The following SLC1A1 variants were observed in gnomAD, a reference collection of about 807,000 sequenced individuals.
SLC1A1 encodes excitatory amino acid transporter 3.
Under a neutral mutation model 53.3 loss-of-function variants are expected in SLC1A1, and 43 were observed. The observed-to-expected ratio is 0.81, with a 90% CI of 0.63 to 1.04. The LOEUF is 1.04. Among genes scored for constraint, SLC1A1 ranks in the 50% least tolerant of loss-of-function variants. The pLI is 0.00. For synonymous variants in SLC1A1, 307 were observed against 243.2 expected, an observed-to-expected ratio of 1.26 and a Z score of -2.44; for missense variants, 748 against 664.9, an observed-to-expected ratio of 1.12 and a Z score of -1.37.
intron 10 of SLC1A1, among the ~76,000 whole-genome samples, chr9:4,582,556 T>A (rs538660427): frequency 1.3e-5 from 2 of 152,326 alleles, no homozygotes; most frequent in East Asian, 3.9e-4. Flanking sequence ...TCAGGGCAAC[T>A]TAAATTCCTG....
intron 1 of SLC1A1, among the ~76,000 whole-genome samples, chr9:4,517,896 C>T (rs1378173856): frequency 6.6e-6 from 1 of 152,020 alleles, no homozygotes; most frequent in African/African-American, 2.4e-5. Context: ...TTGATGTCAA[C>T]TGAAAATTGT....
chr9:4,514,366 T>C (rs1473361485), intron 1 of SLC1A1, among the ~76,000 whole-genome samples: 1 of 152,156 alleles, frequency 6.6e-6, no homozygotes, highest in Non-Finnish European at 1.5e-5. Flanking sequence ...CCATTGAGGA[T>C]ATCTGACCTA....
At chr9:4,510,057 C>T (rs1408299669) in intron 1 of SLC1A1, among the ~76,000 whole-genome samples, 2 of 152,224 alleles carry the variant, frequency 1.3e-5, no homozygotes, top group East Asian at 3.8e-4. Flanking sequence ...TGGTTTCAAA[C>T]TCCTGACCTC....
intron 2 of SLC1A1, among the ~76,000 whole-genome samples, chr9:4,560,672 T>C (rs1487546923): frequency 2.6e-5 from 4 of 151,320 alleles, no homozygotes; most frequent in African/African-American, 4.9e-5. Flanking sequence ...AAAACTATCA[T>C]GAGTTACATG....
At position 4,564,472 on chromosome 9, in the gene SLC1A1, C is replaced by T; in HGVS notation, c.440+14C>T. On this transcript the variant is annotated intron_variant, in intron 4 of 11. Coordinates refer to ENST00000262352, the MANE Select transcript of SLC1A1 (RefSeq NM_004170.6). Reference sequence around the variant, plus strand: ...AGATCTCATCAGGTGAGTGTTTTGCCACAAGGTGGCTTCAAGGGCATGCGG... The same window carrying T: ...AGATCTCATCAGGTGAGTGTTTTGCTACAAGGTGGCTTCAAGGGCATGCGG... 1 of 1,540,426 alleles carries T rather than the reference C, an allele frequency of 6.5e-7. No homozygotes were observed. Among genetic ancestry groups the T allele is most frequent in the Non-Finnish European group, 9.0e-7 (1 of 1,115,436 alleles).
At chr9:4,498,691 C>T (rs991911894) in intron 1 of SLC1A1, among the ~76,000 whole-genome samples, 2 of 151,094 alleles carry the variant, frequency 1.3e-5, no homozygotes, top group Non-Finnish European at 2.9e-5. Context: ...TATATTTATT[C>T]CATAGCATGC....
chr9:4,530,938 C>T (rs1340236742), intron 1 of SLC1A1, among the ~76,000 whole-genome samples: 2 of 152,140 alleles, frequency 1.3e-5, no homozygotes, highest in Non-Finnish European at 2.9e-5. Context: ...CCTCTTTGGT[C>T]GCTAGGAAAA....
chr9:4,500,430 C>G (rs1586689722), intron 1 of SLC1A1, among the ~76,000 whole-genome samples: 1 of 152,288 alleles, frequency 6.6e-6, no homozygotes, highest in African/African-American at 2.4e-5. Context: ...GCCTCAGCCT[C>G]CCGGGTAGCT....
chr9:4,492,631 T>C (rs117335592), intron 1 of SLC1A1, among the ~76,000 whole-genome samples: 4,397 of 152,058 alleles, frequency 0.029, 91 homozygotes, highest in Middle Eastern at 0.054. Flanking sequence ...AAATGCCATC[T>C]CTACAAAAAA....
intron 6 of SLC1A1, among the ~76,000 whole-genome samples, chr9:4,570,565 T>A (rs978443105): frequency 6.6e-6 from 1 of 152,038 alleles, no homozygotes; most frequent in African/African-American, 2.4e-5. Flanking sequence ...GAGACGGGGT[T>A]TCACCATGTT....
intron 1 of SLC1A1, among the ~76,000 whole-genome samples, chr9:4,525,158 A>T (rs567880519): frequency 1.3e-5 from 2 of 152,312 alleles, no homozygotes; most frequent in East Asian, 3.9e-4. Flanking sequence ...TGGAACCACA[A>T]AATTTGGCCC....
At chr9:4,534,848 G>T (rs1436370354) in intron 1 of SLC1A1, among the ~76,000 whole-genome samples, 6 of 152,092 alleles carry the variant, frequency 3.9e-5, no homozygotes. Flanking sequence ...ACATCAAGAA[G>T]CTTATCCACC....
intron 8 of SLC1A1, among the ~76,000 whole-genome samples, chr9:4,574,916 T>G (rs562452067): frequency 6.6e-6 from 1 of 152,174 alleles, no homozygotes; most frequent in Non-Finnish European, 1.5e-5. Context: ...AGAGGCAGAT[T>G]TGGTCCCTAC....
chr9:4,580,777 C>T (rs1821024461), intron 10 of SLC1A1, among the ~76,000 whole-genome samples: 1 of 151,960 alleles, frequency 6.6e-6, no homozygotes, highest in East Asian at 1.9e-4. Flanking sequence ...TTGGTTGCTG[C>T]AGTAGCAGTA....
chr9:4,568,219 A>G (rs1230448126), intron 6 of SLC1A1, among the ~76,000 whole-genome samples: 2 of 152,034 alleles, frequency 1.3e-5, no homozygotes, highest in African/African-American at 4.8e-5. Flanking sequence ...CAGGAGTTCC[A>G]GACCAGTCTG....
chr9:4,568,604 C>T (rs551164457), intron 6 of SLC1A1, among the ~76,000 whole-genome samples: 3 of 151,516 alleles, frequency 2.0e-5, no homozygotes, highest in South Asian at 2.1e-4. Flanking sequence ...GCCTGTAGTC[C>T]CAGATACTTG....
chr9:4,490,710 T>A lies in SLC1A1; in HGVS notation c.31T>A (p.Trp11Arg). ...GAAACCGGCGAGGAAAGGATGCGAG[T>A]GGAAGCGCTTCCTGAAGAATAACTG... MGKPARKGCE[W>R]KRFLKNNWVL... Residue 11 changes from tryptophan to arginine, a missense_variant, in exon 1 of 12, where the codon TGG (tryptophan) becomes AGG (arginine). Physicochemically the swap from Trp to Arg is moderately radical, Grantham distance 101. Transcript: ENST00000262352. 1 of 1,612,678 alleles carries A rather than the reference T, an allele frequency of 6.2e-7. No individual in the cohort carries two copies. The highest frequency in any genetic ancestry group is 8.5e-7 in the Non-Finnish European group (1 of 1,179,076).
chr9:4,510,994 T>C (rs913495501), intron 1 of SLC1A1, among the ~76,000 whole-genome samples: 2 of 152,252 alleles, frequency 1.3e-5, no homozygotes, highest in African/African-American at 4.8e-5. Context: ...TTATCTGTTA[T>C]GTTCTTGAGC....
Position 4,556,897 on chromosome 9 carries a change from G to A in SLC1A1, c.233-4552G>A, listed in dbSNP as rs565402777. On this transcript the variant is annotated intron_variant, in intron 2 of 11. Transcript: ENST00000262352. The surrounding 1 kb of genome is among the most constrained non-coding windows in gnomAD (Gnocchi z 4.1). The stretch of plus-strand genomic sequence containing the variant: ...TCAGAGGGGTGGTGATTAGGAAAAC[G>A]GCTTTGGGGGGTGGTTTTGCACAAC... 3.9e-5 allele frequency among the ~76,000 whole-genome samples: 6 copies of A among 152,198 alleles called. No individual in the cohort carries two copies. The highest frequency in any genetic ancestry group is 1.9e-4 in the East Asian group (1 of 5,184).
Sources: allele counts gnomAD v4.1 joint callset (sites outside exome capture counted in the v4.1 genomes callset), GRCh38; gene constraint gnomAD v4.1.1; non-coding constraint Gnocchi (gnomAD v3.1); transcripts MANE v1.5; gene names NCBI Gene and HGNC (gene_info 2026-07-23, HGNC 2026-07-21).